NFATC2: variants seen among roughly 807,000 people sequenced by gnomAD.
The protein encoded by NFATC2 is nuclear factor of activated T cells 2, also known as nuclear factor of activated T-cells, cytoplasmic 2.
A neutral mutation model predicts 87.3 loss-of-function variants in NFATC2; 22 were observed. That is an observed-to-expected ratio of 0.25 (90% CI 0.18 to 0.36). The LOEUF is 0.36. Among genes scored for constraint, NFATC2 ranks in the 10% least tolerant of loss-of-function variants. The pLI, the probability that NFATC2 is intolerant of heterozygous loss-of-function variation, is 1.00. For synonymous variants in NFATC2, 565 were observed against 542.2 expected, an observed-to-expected ratio of 1.04 and a Z score of -0.58; for missense variants, 1,149 against 1,259.1, an observed-to-expected ratio of 0.91 and a Z score of 1.32.
chr20:51,495,906 T>C lies in NFATC2; in HGVS notation c.1333-20246A>G, dbSNP rs949326147. ...ACTCCCATTTTTCCCAGGAGGAGGA[T>C]GCTAAAGTAGGAAGGTAAGGCCAGC... On this transcript the variant is annotated intron_variant, in intron 3 of 10. Transcript: ENST00000371564. 3.3e-5 allele frequency among the ~76,000 whole-genome samples: 5 copies of C among 152,174 alleles called. No individual in the cohort carries two copies. The South Asian group carries it at 6.2e-4, about 19-fold the overall frequency.
intron 1 of NFATC2, among the ~76,000 whole-genome samples, chr20:51,551,822 T>C (rs1415513308): frequency 1.3e-5 from 2 of 148,686 alleles, no homozygotes; most frequent in Non-Finnish European, 3.0e-5. Context: ...GGTCAGGAGA[T>C]CAAGACCATC....
chr20:51,477,565 ATATATAT>A (rs1988846411), intron 3 of NFATC2, among the ~76,000 whole-genome samples: 1 of 107,084 alleles, frequency 9.3e-6, no homozygotes, highest in African/African-American at 3.1e-5. Context: ...ATATATATAT[ATATATAT>A]ATATATATAA....
At chr20:51,499,321 G>C (rs2146617865) in intron 3 of NFATC2, among the ~76,000 whole-genome samples, 1 of 152,290 alleles carries the variant, frequency 6.6e-6, no homozygotes, top group Middle Eastern at 3.4e-3. Flanking sequence ...GAGGAGGTAA[G>C]AAATGGTTGA....
Position 51,523,778 on chromosome 20 carries a change from C to A in NFATC2, c.463G>T (p.Val155Leu), listed in dbSNP as rs200562456. The change falls in exon 2 of 11, where the codon GTG becomes TTG. Residue 155 changes from valine to leucine, a missense_variant. Around this residue, in one of 3 missense-constraint regions of NFATC2, gnomAD observed 563 missense variants for 585.2 expected, o/e 0.96. Coordinates refer to ENST00000371564, the MANE Select transcript of NFATC2 (RefSeq NM_012340.5). The surrounding 1 kb of genome is among the most constrained non-coding windows in gnomAD (Gnocchi z 6.9). Reference sequence around the variant, plus strand: ...TCGCGGTAGCCCTCGAAGCCGGGCACGGGCAGGGTGAACCTCGGGCTGGCG... The same window carrying A: ...TCGCGGTAGCCCTCGAAGCCGGGCAAGGGCAGGGTGAACCTCGGGCTGGCG... ...VAASPRFTLP[V>L]PGFEGYREPL... is the part of the protein sequence containing the mutation. The A allele has an allele frequency of 6.2e-7, 1 of 1,609,172 alleles. No homozygotes were observed. The highest frequency in any genetic ancestry group is 2.2e-5 in the East Asian group (1 of 44,740).
chr20:51,520,897 G>C (rs2076434528), intron 2 of NFATC2, among the ~76,000 whole-genome samples: 1 of 151,976 alleles, frequency 6.6e-6, no homozygotes, highest in Non-Finnish European at 1.5e-5. Flanking sequence ...GACCTCAGGT[G>C]ATCCGCCCGC....
Position 51,480,158 on chromosome 20 carries a change from C to T in NFATC2, c.1333-4498G>A, listed in dbSNP as rs952450602. 6.6e-5 allele frequency among the ~76,000 whole-genome samples: 10 copies of T among 152,022 alleles called. No individual in the cohort carries two copies. The highest frequency in any genetic ancestry group is 6.2e-4 in the South Asian group (3 of 4,816). On this transcript the variant is annotated intron_variant, in intron 3 of 10. Coordinates refer to ENST00000371564, the MANE Select transcript of NFATC2 (RefSeq NM_012340.5). This position sits in a 1 kb window ranked among gnomAD's most constrained non-coding sequence, Gnocchi z 4.2. ...CAAAAATTAGCCAGGTATGGTGGCA[C>T]GTGCCTGTAATCCCAGCTACTCAGG...
chr20:51,485,977 AAGGAGGGTGGATTCTTTGAGGCC>A (rs1241426834), intron 3 of NFATC2, among the ~76,000 whole-genome samples: 1 of 152,122 alleles, frequency 6.6e-6, no homozygotes, highest in Non-Finnish European at 1.5e-5. Flanking sequence ...GATCCAGGCC[AAGGAGGGTGGATTCTTTGAGGCC>A]AGGAGCTCAA....
Position 51,432,602 on chromosome 20 carries a change from C to G in NFATC2, c.2187G>C (p.Gln729His), listed in dbSNP as rs1053587301. ...GGGATGAGAGCCCCGTGCGGAACTG[C>G]TGGCAGGGAGCCATGGTGGCCACGA... Reference protein sequence around the residue: ...SCLVATMAPCQQFRTGLSSPD... With the variant: ...SCLVATMAPCHQFRTGLSSPD... Residue 729 changes from glutamine (Q) to histidine (H), a missense_variant, in exon 9 of 11, where the codon CAG becomes CAC. Physicochemically the swap from Gln to His is conservative, Grantham distance 24. This residue lies in a region of NFATC2 where 581 missense variants were observed against 649.7 expected (regional missense o/e 0.89). Transcript: ENST00000371564. The surrounding 1 kb of genome is among the most constrained non-coding windows in gnomAD (Gnocchi z 4.6). 1 of 1,530,078 alleles carries G rather than the reference C, an allele frequency of 6.5e-7. No individual in the cohort carries two copies. The highest frequency in any genetic ancestry group is 8.8e-7 in the Non-Finnish European group (1 of 1,139,504). 94.8% of individuals were successfully genotyped at this position (1,530,078 alleles called of 1,614,324 possible).
chr20:51,423,701 A>C (rs1981316432), intron 9 of NFATC2, among the ~76,000 whole-genome samples: 2 of 152,212 alleles, frequency 1.3e-5, no homozygotes, highest in East Asian at 3.9e-4. Context: ...CCAGCAGATG[A>C]CTGGGAGCCC....
intron 1 of NFATC2, among the ~76,000 whole-genome samples, chr20:51,530,253 G>A (rs1600965260): frequency 6.6e-6 from 1 of 152,022 alleles, no homozygotes; most frequent in African/African-American, 2.4e-5. Context: ...TGCAACCTCC[G>A]CCTCCCGGGT....
At chr20:51,487,235 A>G (rs1030986024) in intron 3 of NFATC2, among the ~76,000 whole-genome samples, 7 of 152,228 alleles carry the variant, frequency 4.6e-5, no homozygotes, top group African/African-American at 1.7e-4. Context: ...AACTCCGTGC[A>G]AGCATCTGGC....
Position 51,562,526 on chromosome 20 carries a change from C to T in NFATC2, c.70+34G>A, listed in dbSNP as rs2077041699. 3.3e-6 allele frequency: 5 copies of T among 1,524,246 alleles called. No individual in the cohort carries two copies. In the Admixed American group the frequency reaches 7.9e-5, roughly 24 times the overall value. The allele number at this position is 1,524,246 out of a possible 1,614,324, so 94.4% of individuals were successfully genotyped here. A position where few individuals can be genotyped will look rare whatever the true frequency, so the allele number is the denominator to read the frequency against. Reference sequence around the variant, plus strand: ...GCAGGAAAGGGCCGGGAGGAGCGAGCGGAAAAGGCTGGAAGGGATCGAGAG... The same window carrying T: ...GCAGGAAAGGGCCGGGAGGAGCGAGTGGAAAAGGCTGGAAGGGATCGAGAG... On this transcript the variant is annotated intron_variant, in intron 1 of 10. Coordinates refer to the NFATC2 transcript ENST00000414705. The surrounding 1 kb of genome is among the most constrained non-coding windows in gnomAD (Gnocchi z 5.8).
At position 51,454,463 on chromosome 20, in the gene NFATC2, C is replaced by G. The variant is rs747557700; in HGVS notation, c.1849+85G>C. ...AAAACTGCACGGTGGGATCTACCCCCCAAAACCAAAGTTGTATATAATAAA... is the reference window on the plus strand; with the variant it reads ...AAAACTGCACGGTGGGATCTACCCCGCAAAACCAAAGTTGTATATAATAAA... On this transcript the variant is annotated intron_variant, in intron 6 of 10. Coordinates refer to ENST00000371564, the MANE Select transcript of NFATC2 (RefSeq NM_012340.5). 3.9e-6 allele frequency: 6 copies of G among 1,523,924 alleles called. No homozygotes were observed. In the East Asian group the frequency reaches 1.1e-4, roughly 29 times the overall value. 94.4% of individuals were successfully genotyped at this position (1,523,924 alleles called of 1,614,324 possible).
rs1420635657 is a variant in NFATC2 at position 51,388,084 on chromosome 20, T to C, written c.*3412A>G. On this transcript the variant is annotated 3_prime_UTR_variant, in exon 11 of 11. Transcript: ENST00000371564. ...TGGTTATATCTATGCTGGAAAACTG[T>C]GGGTGTCCTTTGGATAAAGCATACA... is the stretch of plus-strand genomic sequence containing the variant. The C allele has an allele frequency of 1.3e-5, 2 of 152,100 alleles. No individual in the cohort carries two copies. Among genetic ancestry groups the C allele is most frequent in the African/African-American group, 4.8e-5 (2 of 41,392 alleles). 9.4% of individuals were successfully genotyped at this position (152,100 alleles called of 1,614,324 possible).
upstream of NFATC2, among the ~76,000 whole-genome samples, chr20:51,543,878 T>G (rs910860346): frequency 6.6e-6 from 1 of 151,130 alleles, no homozygotes; most frequent in Admixed American, 6.6e-5. Flanking sequence ...ATCAAAACAG[T>G]GGTCTTCAAC....
intron 5 of NFATC2, among the ~76,000 whole-genome samples, chr20:51,467,072 C>CAAAA: frequency 1.3e-5 from 1 of 79,692 alleles, no homozygotes; most frequent in Admixed American, 1.4e-4. Flanking sequence ...GACTTAGTCT[C>CAAAA]AAAAAAAAAA....
At chr20:51,437,706 T>G (rs900449304) in intron 6 of NFATC2, among the ~76,000 whole-genome samples, 10 of 152,154 alleles carry the variant, frequency 6.6e-5, no homozygotes, top group Admixed American at 5.2e-4. Flanking sequence ...ACAGCGCAAT[T>G]CCTGAAATGA....
At position 51,388,270 on chromosome 20, in the gene NFATC2, G is replaced by A. The variant is rs556826496; in HGVS notation, c.*3226C>T. 1 of 152,096 alleles carries A rather than the reference G, an allele frequency of 6.6e-6. No individual in the cohort carries two copies. Among genetic ancestry groups the A allele is most frequent in the Non-Finnish European group, 1.5e-5 (1 of 68,022 alleles). The allele number at this position is 152,096 out of a possible 1,614,324, so 9.4% of individuals were successfully genotyped here. On this transcript the variant is annotated 3_prime_UTR_variant, in exon 11 of 11. Transcript: ENST00000371564. ...ATCACCTACTAAATTAGTTATTTTG[G>A]GGGGAGGATCTAGACACTTGATGAT...
chr20:51,454,829 C>T, intron 5 of NFATC2, 141 bp from the exon 6 acceptor site: 1 of 913,886 alleles, frequency 1.1e-6, no homozygotes, highest in Non-Finnish European at 1.6e-6. Flanking sequence ...GAACCATCAC[C>T]CCTGACAATC....
Sources: gnomAD v4.1 joint callset for allele counts (sites outside exome capture counted in the v4.1 genomes callset) on GRCh38, gnomAD v4.1.1 for gene constraint, gnomAD v4.1.1 regional missense constraint, Gnocchi (gnomAD v3.1) non-coding constraint, MANE v1.5 for transcripts, NCBI Gene and HGNC (gene_info 2026-07-23, HGNC 2026-07-21) for gene names.